The following SLC35B4 variants were observed in gnomAD, a reference collection of about 807,000 sequenced individuals.
SLC35B4 encodes solute carrier family 35 member B4.
Under a neutral mutation model 39.5 loss-of-function variants are expected in SLC35B4, and 28 were observed. That is an observed-to-expected ratio of 0.71 (90% CI 0.53 to 0.97). The LOEUF (loss-of-function observed/expected upper bound fraction) is 0.97, where lower values mean the gene tolerates loss of function less well. SLC35B4 is among the 50% of genes least tolerant of loss of function. The pLI, the probability that SLC35B4 is intolerant of heterozygous loss-of-function variation, is 0.00. For synonymous variants in SLC35B4, 145 were observed against 150.4 expected, an observed-to-expected ratio of 0.96 and a Z score of 0.26; for missense variants, 334 against 414.3, an observed-to-expected ratio of 0.81 and a Z score of 1.68.
upstream of SLC35B4, among the ~76,000 whole-genome samples, chr7:134,317,982 T>C (rs1230157216): frequency 6.6e-6 from 1 of 152,216 alleles, no homozygotes; most frequent in Non-Finnish European, 1.5e-5. Context: ...CCAACAGCAA[T>C]AGCAAAGTAC....
chr7:134,302,732 C>G (rs1009053717), intron 4 of SLC35B4, among the ~76,000 whole-genome samples: 2 of 152,126 alleles, frequency 1.3e-5, no homozygotes, highest in African/African-American at 2.4e-5. Flanking sequence ...TTAGCACCCT[C>G]TCAGATTTTT....
intron 2 of SLC35B4, among the ~76,000 whole-genome samples, chr7:134,307,288 G>T (rs1200249159): frequency 2.0e-5 from 3 of 151,598 alleles, no homozygotes; most frequent in East Asian, 3.9e-4. Flanking sequence ...TAAAATCAGG[G>T]TCTCTGTTTT....
At chr7:134,318,241 C>T (rs1175329965), upstream of SLC35B4, among the ~76,000 whole-genome samples, 1 of 152,092 alleles carries the variant, frequency 6.6e-6, no homozygotes, top group Non-Finnish European at 1.5e-5. Context: ...GTATTTTTAA[C>T]AAGCACTCCA....
At chr7:134,305,638 T>TTC (rs1803691495) in intron 3 of SLC35B4, among the ~76,000 whole-genome samples, 1 of 152,040 alleles carries the variant, frequency 6.6e-6, no homozygotes, top group African/African-American at 2.4e-5. Flanking sequence ...TTTTAATAAG[T>TTC]TTCTCCCCAT....
intron 2 of SLC35B4, among the ~76,000 whole-genome samples, chr7:134,307,029 A>G (rs567425190): frequency 2.0e-5 from 3 of 152,242 alleles, no homozygotes; most frequent in Non-Finnish European, 4.4e-5. Context: ...ATACATAGCA[A>G]CTTAAAATGA....
chr7:134,317,215 C>A (rs1402052152), upstream of SLC35B4, among the ~76,000 whole-genome samples: 6 of 152,228 alleles, frequency 3.9e-5, no homozygotes, highest in Non-Finnish European at 8.8e-5. Flanking sequence ...TCACAACAAA[C>A]TTGCTGGCAG....
intron 8 of SLC35B4, among the ~76,000 whole-genome samples, chr7:134,297,707 T>C (rs1487389894): frequency 6.6e-6 from 1 of 152,122 alleles, no homozygotes; most frequent in East Asian, 1.9e-4. Context: ...GATGTCCAGG[T>C]TGATGGAACT....
rs764582985 is a variant in SLC35B4, at chr7:134,295,012, C to T, written c.817G>A (p.Val273Met). 18 of 1,614,036 alleles carry T rather than the reference C, an allele frequency of 1.1e-5. No homozygotes were observed. The highest frequency in any genetic ancestry group is 1.6e-4 in the Middle Eastern group (1 of 6,084). ...AGGCTCACAAATTTGCGTAGGGTCA[C>T]GACGAGCGTGACGGTGAGGGAGGCG... Reference protein sequence around the residue: ...ECASLTVTLVVTLRKFVSLIF... With the variant: ...ECASLTVTLVMTLRKFVSLIF... The change falls in exon 10 of 10, where the codon GTG (valine) becomes ATG (methionine). Residue 273 changes from valine (V) to methionine (M), a missense_variant. Transcript: ENST00000378509.
intron 1 of SLC35B4, among the ~76,000 whole-genome samples, chr7:134,310,380 G>A (rs980249715): frequency 1.3e-5 from 2 of 152,146 alleles, no homozygotes; most frequent in African/African-American, 4.8e-5. Context: ...GAGGCACTCT[G>A]AAAACTAGTC....
Position 134,312,815 on chromosome 7 carries a change from C to T in SLC35B4, c.78-3336G>A, listed in dbSNP as rs137868557. Among the ~76,000 whole-genome samples the T allele has an allele frequency of 7.4e-3, 1,122 of 152,216 alleles. 8 individuals are homozygous for T. The highest frequency in any genetic ancestry group is 0.014 in the Middle Eastern group (4 of 294). On this transcript the variant is annotated intron_variant, in intron 1 of 9. Transcript: ENST00000378509. ...GTCAGGTAAGTCTCCCAGCGGTCAA[C>T]GGCAAATAAATGGCATTTGCGGTTA...
At position 134,293,229 on chromosome 7, in the gene SLC35B4, CT is replaced by C. The variant is rs1289345027; in HGVS notation, c.*1603del. 1 of 152,240 alleles carries C rather than the reference CT, an allele frequency of 6.6e-6. No homozygotes were observed. Among genetic ancestry groups the C allele is most frequent in the African/African-American group, 2.4e-5 (1 of 41,410 alleles). 9.4% of individuals were successfully genotyped at this position (152,240 alleles called of 1,614,324 possible). A position where few individuals can be genotyped will look rare whatever the true frequency, so the allele number is the denominator to read the frequency against. The stretch of plus-strand genomic sequence containing the variant: ...TCAGCTGCTTACAGAGGAGCATGTA[CT>C]GGTATGTAAGGTTCCAGCTAAGTAA... On this transcript the variant is annotated 3_prime_UTR_variant, in exon 10 of 10. Transcript: ENST00000378509.
Position 134,292,419 on chromosome 7 carries a change from G to A in SLC35B4, c.*2414C>T, listed in dbSNP as rs1452074641. ...AGTGTTCTAATCTAATCTATTCCCT[G>A]CCCATACATAGCCTCCTATTCATAA... On this transcript the variant is annotated 3_prime_UTR_variant, in exon 10 of 10. Transcript: ENST00000378509. 1 of 152,152 alleles carries A rather than the reference G, an allele frequency of 6.6e-6. No homozygotes were observed. Among genetic ancestry groups the A allele is most frequent in the Non-Finnish European group, 1.5e-5 (1 of 68,082 alleles). The allele number at this position is 152,152 out of a possible 1,614,324, so 9.4% of individuals were successfully genotyped here. A position where few individuals can be genotyped will look rare whatever the true frequency, so the allele number is the denominator to read the frequency against.
intron 1 of SLC35B4, among the ~76,000 whole-genome samples, chr7:134,313,848 C>T (rs1327712011): frequency 6.6e-6 from 1 of 152,176 alleles, no homozygotes; most frequent in Admixed American, 6.5e-5. Flanking sequence ...AAGGCCATAT[C>T]TAGAAAGAAC....
upstream of SLC35B4, among the ~76,000 whole-genome samples, chr7:134,318,818 A>G (rs1294061295): frequency 1.3e-5 from 2 of 152,226 alleles, no homozygotes; most frequent in African/African-American, 4.8e-5. Context: ...AATATTTGCA[A>G]GAGTTCTGTA....
chr7:134,316,879 G>C lies in SLC35B4; in HGVS notation c.-128C>G, dbSNP rs1435084611. On this transcript the variant is annotated 5_prime_UTR_variant, in exon 1 of 10. Coordinates refer to ENST00000378509, the MANE Select transcript of SLC35B4 (RefSeq NM_032826.5). ...ACCGTCCTGGAAAGCCGCTCTCACTGGGGGCCGCCGCGGTCTCCCCTTCTC... is the reference window on the plus strand; with the variant it reads ...ACCGTCCTGGAAAGCCGCTCTCACTCGGGGCCGCCGCGGTCTCCCCTTCTC... 1.1e-6 allele frequency: 1 copy of C among 873,056 alleles called. No homozygotes were observed. The allele number at this position is 873,056 out of a possible 1,614,324, so 54.1% of individuals were successfully genotyped here. A position where few individuals can be genotyped will look rare whatever the true frequency, so the allele number is the denominator to read the frequency against.
chr7:134,302,109 A>G lies in SLC35B4; in HGVS notation c.346T>C (p.Tyr116His), dbSNP rs1471790312. 2 of 1,604,430 alleles carry G rather than the reference A, an allele frequency of 1.2e-6. No homozygotes were observed. The highest frequency in any genetic ancestry group is 1.7e-5 in the Admixed American group (1 of 57,532). ...ILGIIILKKR[Y>H]SIFKYTSIAL... The stretch of plus-strand genomic sequence containing the variant: ...ATGGAGGTATATTTGAATATACTGT[A>G]TCTGCAAAAAAGAAAAAAAAGAAGA... Residue 116 changes from tyrosine to histidine, a missense_variant and splice_region_variant, in exon 5 of 10, where the codon TAC (tyrosine) becomes CAC (histidine). Physicochemically the swap from Tyr to His is moderately conservative, Grantham distance 83. Coordinates refer to ENST00000378509, the MANE Select transcript of SLC35B4 (RefSeq NM_032826.5).
Position 134,295,091 on chromosome 7 carries a change from G to A in SLC35B4, c.750-12C>T, listed in dbSNP as rs537351660. 8 of 1,613,168 alleles carry A rather than the reference G, an allele frequency of 5.0e-6. No individual in the cohort carries two copies. The African/African-American group carries it at 8.0e-5, about 16-fold the overall frequency. On this transcript the variant is annotated splice_polypyrimidine_tract_variant and intron_variant, in intron 9 of 9. Coordinates refer to ENST00000378509, the MANE Select transcript of SLC35B4 (RefSeq NM_032826.5). ...GGATGCACACGTACCTGGAGGAGTG[G>A]AGTCAAGGTAGTTTTCTGTAGACTG...
Position 134,296,295 on chromosome 7 carries a change from T to C in SLC35B4, c.749+96A>G, listed in dbSNP as rs1193940655. 4.5e-6 allele frequency: 5 copies of C among 1,104,128 alleles called. No individual in the cohort carries two copies. In the Admixed American group the frequency reaches 8.2e-5, roughly 18 times the overall value. The allele number at this position is 1,104,128 out of a possible 1,614,324, so 68.4% of individuals were successfully genotyped here. ...CAGAATAAATCCAGCGAAAATCATA[T>C]TCAAGTCAACACACTGTTAGAAGAA... On this transcript the variant is annotated intron_variant, in intron 9 of 9. Coordinates refer to ENST00000378509, the MANE Select transcript of SLC35B4 (RefSeq NM_032826.5).
chr7:134,289,571 C>T lies in SLC35B4; in HGVS notation c.*5262G>A, dbSNP rs998704402. 1.1e-4 allele frequency: 17 copies of T among 152,536 alleles called. 1 individual carries two copies. Among genetic ancestry groups the T allele is most frequent in the Admixed American group, 7.2e-4 (11 of 15,272 alleles). The allele number at this position is 152,536 out of a possible 1,614,324, so 9.4% of individuals were successfully genotyped here. A position where few individuals can be genotyped will look rare whatever the true frequency, so the allele number is the denominator to read the frequency against. On this transcript the variant is annotated 3_prime_UTR_variant, in exon 10 of 10. Coordinates refer to ENST00000378509, the MANE Select transcript of SLC35B4 (RefSeq NM_032826.5). Reference sequence around the variant, plus strand: ...GAGCTCAGACGGGATGAATAAAATCCCCGCCGTCCCTCCCCACCACATAAT... The same window carrying T: ...GAGCTCAGACGGGATGAATAAAATCTCCGCCGTCCCTCCCCACCACATAAT...
Sources: allele counts gnomAD v4.1 joint callset (sites outside exome capture counted in the v4.1 genomes callset), GRCh38; gene constraint gnomAD v4.1.1; transcripts MANE v1.5; gene names NCBI Gene and HGNC (gene_info 2026-07-23, HGNC 2026-07-21).